LIMK2: variants seen among roughly 807,000 people sequenced by gnomAD.
LIMK2 encodes LIM domain kinase 2.
Under a neutral mutation model 75.7 loss-of-function variants are expected in LIMK2, and 35 were observed. That is an observed-to-expected ratio of 0.46 (90% CI 0.35 to 0.61). The LOEUF (loss-of-function observed/expected upper bound fraction) is 0.61, where lower values mean the gene tolerates loss of function less well. LIMK2 is among the 20% of genes least tolerant of loss of function. The probability of loss-of-function intolerance (pLI) is 0.00; values close to 1 mark genes in which losing one functional copy is unlikely to be tolerated. For missense variants in LIMK2, 623 were observed against 831.0 expected, an observed-to-expected ratio of 0.75 and a Z score of 3.08; for synonymous variants, 301 against 319.2, an observed-to-expected ratio of 0.94 and a Z score of 0.61.
chr22:31,234,263 C>T (rs1034594852), intron 2 of LIMK2, among the ~76,000 whole-genome samples: 19 of 150,160 alleles, frequency 1.3e-4, no homozygotes, highest in East Asian at 2.0e-4. Context: ...CCACCTGCCT[C>T]GGCCTCCCAA....
At chr22:31,274,759 T>C (rs2048996087) in intron 14 of LIMK2, among the ~76,000 whole-genome samples, 2 of 152,146 alleles carry the variant, frequency 1.3e-5, no homozygotes, top group African/African-American at 4.8e-5. Flanking sequence ...ACACCTCTGT[T>C]CAGAGCACTG....
At chr22:31,219,935 A>G (rs1004433231) in intron 1 of LIMK2, among the ~76,000 whole-genome samples, 16 of 152,192 alleles carry the variant, frequency 1.1e-4, no homozygotes, top group Admixed American at 3.3e-4. Flanking sequence ...AGAGGTAAAC[A>G]CTATAGAGGG....
At chr22:31,225,669 C>T in intron 1 of LIMK2, 51 bp from the exon 2 acceptor site, 1 of 1,357,258 alleles carries the variant, frequency 7.4e-7, no homozygotes, top group Non-Finnish European at 1.0e-6. Flanking sequence ...GAATCCTGTC[C>T]CTTTGCCTCC....
At chr22:31,234,010 GTTGT>G (rs2048550246) in intron 2 of LIMK2, among the ~76,000 whole-genome samples, 1 of 151,912 alleles carries the variant, frequency 6.6e-6, no homozygotes, top group African/African-American at 2.4e-5. Context: ...AGTGATTTTT[GTTGT>G]TTGTTTTGTT....
rs1356748319 is a variant in LIMK2 at position 31,241,408 on chromosome 22, G to A, written c.116+15589G>A. Among the ~76,000 whole-genome samples, 4 of 152,158 alleles carry A rather than the reference G, an allele frequency of 2.6e-5. No homozygotes were observed. The South Asian group carries it at 8.3e-4, about 32-fold the overall frequency. ...GGAACGGCTCTGGTCACCTCCTGCT[G>A]TACTCCATTGATGACTCACCACATA... On this transcript the variant is annotated intron_variant, in intron 2 of 15. Coordinates refer to ENST00000331728, the MANE Select transcript of LIMK2 (RefSeq NM_005569.4).
At chr22:31,229,719 G>A (rs2048510149) in intron 2 of LIMK2, among the ~76,000 whole-genome samples, 1 of 152,008 alleles carries the variant, frequency 6.6e-6, no homozygotes, top group Non-Finnish European at 1.5e-5. Context: ...AAATTGCTGG[G>A]GTCCATCCTA....
Position 31,279,644 on chromosome 22 carries a change from G to C in LIMK2, c.*1203G>C, listed in dbSNP as rs553130950. 2.0e-5 allele frequency: 3 copies of C among 152,282 alleles called. No homozygotes were observed. In the South Asian group the frequency reaches 6.2e-4, roughly 32 times the overall value. 9.4% of individuals were successfully genotyped at this position (152,282 alleles called of 1,614,324 possible). A position where few individuals can be genotyped will look rare whatever the true frequency, so the allele number is the denominator to read the frequency against. ...CTCCATCTTGGCTCCCAGAGCTCTA[G>C]GAACTCTTCATCACAACTAGATTTG... On this transcript the variant is annotated 3_prime_UTR_variant, in exon 16 of 16. Coordinates refer to ENST00000331728, the MANE Select transcript of LIMK2 (RefSeq NM_005569.4).
At chr22:31,263,420 TG>T (rs1442599776) in intron 7 of LIMK2, among the ~76,000 whole-genome samples, 1 of 152,180 alleles carries the variant, frequency 6.6e-6, no homozygotes, top group Non-Finnish European at 1.5e-5. Flanking sequence ...TGACATAAGA[TG>T]GTAAGATAAA....
rs1055070508 is a variant in LIMK2 at position 31,213,982 on chromosome 22, A to T, written c.16+1558A>T. Among the ~76,000 whole-genome samples the T allele has an allele frequency of 6.6e-5, 10 of 151,870 alleles. No individual in the cohort carries two copies. The East Asian group carries it at 1.8e-3, about 27-fold the overall frequency. On this transcript the variant is annotated intron_variant, in intron 1 of 15. Transcript: ENST00000331728. ...AGGGGCCCGCCACCACGCCCGGCTA[A>T]TTTTTTTGGTATATTTAGTAGAGAT... is the stretch of plus-strand genomic sequence containing the variant.
chr22:31,279,691 C>T lies in LIMK2; in HGVS notation c.*1250C>T, dbSNP rs11556236. 1 of 152,200 alleles carries T rather than the reference C, an allele frequency of 6.6e-6. No individual in the cohort carries two copies. Among genetic ancestry groups the T allele is most frequent in the Admixed American group, 6.5e-5 (1 of 15,274 alleles). 9.4% of individuals were successfully genotyped at this position (152,200 alleles called of 1,614,324 possible). On this transcript the variant is annotated 3_prime_UTR_variant, in exon 16 of 16. Transcript: ENST00000331728. The stretch of plus-strand genomic sequence containing the variant: ...TTTGCCTCTTCTAAGTGTCTATGAG[C>T]TTGCACCATATTTAATAAATTGGGA...
chr22:31,234,193 G>T (rs1450369740), intron 2 of LIMK2, among the ~76,000 whole-genome samples: 1 of 151,604 alleles, frequency 6.6e-6, no homozygotes, highest in Non-Finnish European at 1.5e-5. Flanking sequence ...TATATTTTTA[G>T]TAGAGATGGG....
intron 15 of LIMK2, chr22:31,276,914 A>T: frequency 1.2e-6 from 2 of 1,613,424 alleles, no homozygotes; most frequent in Non-Finnish European, 1.7e-6. Flanking sequence ...AACCTAGAGG[A>T]GTGGATCCTG....
chr22:31,272,580 A>G lies in LIMK2; in HGVS notation c.1434A>G (p.Glu478=). Residue 478 remains glutamate, a synonymous_variant, in exon 13 of 16, where the codon GAA becomes GAG. Coordinates refer to ENST00000331728, the MANE Select transcript of LIMK2 (RefSeq NM_005569.4). ...ADFGLSRLIV[E]ERKRAPMEKA... The stretch of plus-strand genomic sequence containing the variant: ...TTGGGCTGTCACGGCTCATAGTGGA[A>G]GAGAGGAAAAGGGCCCCCATGGAGA... 4.3e-6 allele frequency: 7 copies of G among 1,613,886 alleles called. No individual in the cohort carries two copies. Among genetic ancestry groups the G allele is most frequent in the Non-Finnish European group, 5.9e-6 (7 of 1,179,940 alleles).
At chr22:31,246,375 A>G (rs1391667486) in intron 2 of LIMK2, among the ~76,000 whole-genome samples, 2 of 152,028 alleles carry the variant, frequency 1.3e-5, no homozygotes, top group Non-Finnish European at 2.9e-5. Context: ...AAAGAAAAAA[A>G]AAAAAAAGAA....
intron 2 of LIMK2, among the ~76,000 whole-genome samples, chr22:31,243,352 C>G (rs1045713845): frequency 6.6e-6 from 1 of 152,160 alleles, no homozygotes; most frequent in Non-Finnish European, 1.5e-5. Flanking sequence ...TTGGAGGCTT[C>G]GGAGTCCTCA....
chr22:31,273,440 G>A lies in LIMK2; in HGVS notation c.1559-12G>A. On this transcript the variant is annotated splice_polypyrimidine_tract_variant and intron_variant, in intron 13 of 15. Coordinates refer to ENST00000331728, the MANE Select transcript of LIMK2 (RefSeq NM_005569.4). ...TGTAAACTTAACAGTGTGCTCTCCTGTGTTCCCCAAGGAAAGAGCTATGAT... is the reference window on the plus strand; with the variant it reads ...TGTAAACTTAACAGTGTGCTCTCCTATGTTCCCCAAGGAAAGAGCTATGAT... 6.2e-7 allele frequency: 1 copy of A among 1,612,172 alleles called. No homozygotes were observed. The highest frequency in any genetic ancestry group is 1.3e-5 in the African/African-American group (1 of 74,984).
rs369572081 is a variant in LIMK2, at chr22:31,270,298, A to G, written c.1318-838A>G. Among the ~76,000 whole-genome samples the G allele has an allele frequency of 1.6e-3, 249 of 152,256 alleles. 2 individuals are homozygous for G. The highest frequency in any genetic ancestry group is 5.5e-3 in the African/African-American group (230 of 41,546). On this transcript the variant is annotated intron_variant, in intron 11 of 15. Transcript: ENST00000331728. ...GGGCTGACACTGAAAAGGCTGGAAG[A>G]AAAAAACAGACACACAAGAGTCTCA...
At chr22:31,220,019 G>C (rs2048420928) in intron 1 of LIMK2, among the ~76,000 whole-genome samples, 1 of 152,200 alleles carries the variant, frequency 6.6e-6, no homozygotes, top group Non-Finnish European at 1.5e-5. Context: ...ACTTTGGATT[G>C]ATCCTCCACT....
In LIMK2 at chr22:31,278,502, T is replaced by C; in HGVS notation, c.*61T>C. The C allele has an allele frequency of 6.6e-7, 1 of 1,513,468 alleles. No homozygotes were observed. Among genetic ancestry groups the C allele is most frequent in the Non-Finnish European group, 8.8e-7 (1 of 1,132,106 alleles). The allele number at this position is 1,513,468 out of a possible 1,614,324, so 93.8% of individuals were successfully genotyped here. A position where few individuals can be genotyped will look rare whatever the true frequency, so the allele number is the denominator to read the frequency against. On this transcript the variant is annotated 3_prime_UTR_variant, in exon 16 of 16. Transcript: ENST00000331728. ...GCCAGCATTGCCCCTCTGTGCCCCA[T>C]TCCTGCTGTGAGCAGGGCCGTCCGG...
Sources: gnomAD v4.1 joint callset for allele counts (sites outside exome capture counted in the v4.1 genomes callset) on GRCh38, gnomAD v4.1.1 for gene constraint, MANE v1.5 for transcripts, NCBI Gene and HGNC (gene_info 2026-07-23, HGNC 2026-07-21) for gene names.